The following PCDHA6 variants were observed in gnomAD, a reference collection of about 807,000 sequenced individuals.
The protein encoded by PCDHA6 is protocadherin alpha-6.
In PCDHA6, 55 loss-of-function variants were observed where a neutral mutation model predicts 60.3. The ratio of observed to expected loss-of-function variants is 0.91; its 90% CI spans 0.73 to 1.14. The LOEUF (loss-of-function observed/expected upper bound fraction) is 1.14. PCDHA6 is among the 50% of genes most tolerant of loss of function. The probability of loss-of-function intolerance (pLI) is 0.00; values close to 1 mark genes in which losing one functional copy is unlikely to be tolerated. For missense variants in PCDHA6, 1,327 were observed against 1,256.5 expected, an observed-to-expected ratio of 1.06 and a Z score of -0.85; for synonymous variants, 652 against 557.9, an observed-to-expected ratio of 1.17 and a Z score of -2.38.
chr5:140,967,725 T>C lies in PCDHA6; in HGVS notation c.2395-11224T>C, dbSNP rs782758957. 16 of 1,613,798 alleles carry C rather than the reference T, an allele frequency of 9.9e-6. No individual in the cohort carries two copies. The East Asian group carries it at 2.0e-4, about 20-fold the overall frequency. On this transcript the variant is annotated intron_variant, in intron 1 of 3. Transcript: ENST00000529310. ...GCCAGTACCGGGGAAGTGCGAGTAA[T>C]TGGGGGGCTGGATTATGAGGAAGCC...
intron 1 of PCDHA6, among the ~76,000 whole-genome samples, chr5:140,878,983 AGAAAT>A (rs2153364854): frequency 6.6e-6 from 1 of 152,352 alleles, no homozygotes; most frequent in Non-Finnish European, 1.5e-5. Flanking sequence ...CCTCTATCTT[AGAAAT>A]GAGAGTATGC....
intron 1 of PCDHA6, chr5:140,857,693 A>T: frequency 6.3e-7 from 1 of 1,597,022 alleles, no homozygotes; most frequent in Non-Finnish European, 8.6e-7. Context: ...CAGCAACTTG[A>T]CGCTGCAGGT....
intron 1 of PCDHA6, chr5:140,967,546 C>T (rs199955615): frequency 6.8e-6 from 11 of 1,613,824 alleles, no homozygotes; most frequent in Non-Finnish European, 8.5e-6. Context: ...TTGACCAGTC[C>T]ACTTATCGCG....
At chr5:140,918,074 G>T (rs546551059) in intron 1 of PCDHA6, among the ~76,000 whole-genome samples, 1 of 152,096 alleles carries the variant, frequency 6.6e-6, no homozygotes, top group South Asian at 2.1e-4. Context: ...TCTTTCAGTA[G>T]TGTTTTATAA....
In PCDHA6 at chr5:141,010,301, A is replaced by G. The variant is rs1232797660; in HGVS notation, c.*364A>G. On this transcript the variant is annotated 3_prime_UTR_variant, in exon 4 of 4. Coordinates refer to ENST00000529310, the MANE Select transcript of PCDHA6 (RefSeq NM_018909.4). ...TTGATGACACTTGCAGGGCAGGCTG[A>G]AAAGTTTTGAGATTGAGCAGCTTGG... 1 of 1,548,942 alleles carries G rather than the reference A, an allele frequency of 6.5e-7. No individual in the cohort carries two copies. Among genetic ancestry groups the G allele is most frequent in the African/African-American group, 1.4e-5 (1 of 72,848 alleles).
At chr5:140,938,187 C>T (rs1584944424) in intron 1 of PCDHA6, among the ~76,000 whole-genome samples, 1 of 152,158 alleles carries the variant, frequency 6.6e-6, no homozygotes, top group Admixed American at 6.5e-5. Context: ...CTCAAGCAAT[C>T]CTCCCACGCC....
intron 1 of PCDHA6, chr5:140,877,799 T>C: frequency 1.2e-6 from 2 of 1,613,438 alleles, no homozygotes; most frequent in Non-Finnish European, 1.7e-6. Context: ...AGCCCAAGCC[T>C]TCAGCTGTCT....
At chr5:140,872,512 A>T (rs2053716713) in intron 1 of PCDHA6, among the ~76,000 whole-genome samples, 1 of 152,126 alleles carries the variant, frequency 6.6e-6, no homozygotes, top group Admixed American at 6.5e-5. Context: ...CTGTAGTCCC[A>T]GTTTCTTGGG....
At chr5:140,856,701 AAC>A (rs2150363820) in intron 1 of PCDHA6, 1 of 1,597,018 alleles carries the variant, frequency 6.3e-7, no homozygotes, top group East Asian at 2.2e-5. Context: ...GATGGAGGCA[AAC>A]CTGAATTTAC....
intron 1 of PCDHA6, among the ~76,000 whole-genome samples, chr5:140,978,326 G>A: frequency 6.6e-6 from 1 of 152,202 alleles, no homozygotes; most frequent in East Asian, 1.9e-4. Flanking sequence ...ACAAGTACAA[G>A]TTTATGAAAA....
rs2150152042 is a variant in PCDHA6, at chr5:140,828,184, C to G, written c.93C>G (p.Leu31=). The change falls in exon 1 of 4, where the codon CTC becomes CTG. Residue 31 remains leucine (L), a synonymous_variant. Transcript: ENST00000529310. ...LAAWKVGSGQ[L]HYSVPEEAKH... ...CCTGGAAGGTGGGGAGCGGCCAGCT[C>G]CACTACTCCGTACCCGAGGAGGCCA... 6.4e-5 allele frequency: 104 copies of G among 1,614,162 alleles called. 2 individuals carry two copies. In the South Asian group the frequency reaches 1.1e-3, roughly 18 times the overall value.
At chr5:140,954,222 G>A (rs2094999300) in intron 1 of PCDHA6, among the ~76,000 whole-genome samples, 1 of 152,132 alleles carries the variant, frequency 6.6e-6, no homozygotes, top group African/African-American at 2.4e-5. Context: ...TTTTGCTATT[G>A]TGAATAGTGC....
Position 140,857,175 on chromosome 5 carries a change from A to C in PCDHA6, c.2394+26690A>C, listed in dbSNP as rs149086377. On this transcript the variant is annotated intron_variant, in intron 1 of 3. Transcript: ENST00000529310. ...ATTGCCCTAATCAGCGTTTCTGACC[A>C]TGATTCAGGAGCCAACGGACAGGTC... The C allele has an allele frequency of 2.5e-6, 4 of 1,598,338 alleles. No homozygotes were observed. The South Asian group carries it at 3.3e-5, about 13-fold the overall frequency.
intron 1 of PCDHA6, among the ~76,000 whole-genome samples, chr5:140,898,087 T>C (rs1480771668): frequency 2.6e-5 from 4 of 152,150 alleles, no homozygotes; most frequent in Non-Finnish European, 5.9e-5. Flanking sequence ...TTCTGGATAT[T>C]AGCCCTTTGT....
At chr5:140,857,793 G>T (rs782663646) in intron 1 of PCDHA6, 3 of 1,597,706 alleles carry the variant, frequency 1.9e-6, no homozygotes, top group Non-Finnish European at 2.6e-6. Flanking sequence ...CTGGTGCTGC[G>T]GTCGGTGGTT....
At chr5:140,969,359 C>A (rs1554231722) in intron 1 of PCDHA6, 2 of 1,611,118 alleles carry the variant, frequency 1.2e-6, no homozygotes, top group Admixed American at 3.4e-5. Flanking sequence ...GGGTCTTCTA[C>A]AAACTCATGC....
At chr5:140,877,048 G>T (rs376952553) in intron 1 of PCDHA6, 1 of 1,612,676 alleles carries the variant, frequency 6.2e-7, no homozygotes, top group Non-Finnish European at 8.5e-7. Flanking sequence ...GCTAGACCAC[G>T]AGGAGCTGGA....
intron 1 of PCDHA6, chr5:140,843,118 C>T: frequency 6.3e-7 from 1 of 1,595,834 alleles, no homozygotes; most frequent in Non-Finnish European, 8.6e-7. Flanking sequence ...CAGTGGACGC[C>T]GACTCGGGCT....
Position 140,830,209 on chromosome 5 carries a change from G to C in PCDHA6, c.2118G>C (p.Ala706=). 1 of 1,613,806 alleles carries C rather than the reference G, an allele frequency of 6.2e-7. No individual in the cohort carries two copies. Among genetic ancestry groups the C allele is most frequent in the Non-Finnish European group, 8.5e-7 (1 of 1,179,902 alleles). ...TGTACCTGATCATCGCCATCTGCGCGGTATCCAGCCTGCTGGTCCTCACGC... is the reference window on the plus strand; with the variant it reads ...TGTACCTGATCATCGCCATCTGCGCCGTATCCAGCCTGCTGGTCCTCACGC... The part of the protein sequence containing the change: ...VNVYLIIAIC[A]VSSLLVLTLL... The change falls in exon 1 of 4, where the codon GCG becomes GCC. Residue 706 remains alanine, a synonymous_variant. Coordinates refer to ENST00000529310, the MANE Select transcript of PCDHA6 (RefSeq NM_018909.4).
Sources: gnomAD v4.1 joint callset for allele counts (sites outside exome capture counted in the v4.1 genomes callset) on GRCh38, gnomAD v4.1.1 for gene constraint, MANE v1.5 for transcripts, NCBI Gene and HGNC (gene_info 2026-07-23, HGNC 2026-07-21) for gene names.